STAG1: variants seen among roughly 807,000 people sequenced by gnomAD.
The protein encoded by STAG1 is cohesin subunit SA-1.
STAG1 carries 26 observed loss-of-function variants against 170.9 expected under a neutral mutation model. That is an observed-to-expected ratio of 0.15 (90% CI 0.11 to 0.21). STAG1 has a LOEUF of 0.21. Ranked by LOEUF, STAG1 falls within the 10% of genes least tolerant of loss-of-function variation. The pLI is 1.00. For synonymous variants in STAG1, 514 were observed against 497.7 expected (o/e 1.03, Z -0.44); for missense variants, 964 against 1,509.5 (o/e 0.64, Z 5.99).
At chr3:136,595,680 A>AATC (rs1559898982) in intron 4 of STAG1, among the ~76,000 whole-genome samples, 148 of 2,798 alleles carry the variant, frequency 0.053, 2 homozygotes, top group East Asian at 0.26. Context: ...CCATCTCAAT[A>AATC]AATAAATAAA....
chr3:136,641,444 A>G (rs1940796199), intron 1 of STAG1, among the ~76,000 whole-genome samples: 1 of 152,226 alleles, frequency 6.6e-6, no homozygotes, highest in African/African-American at 2.4e-5. Context: ...TACAGTTAAC[A>G]CTGCTAATAG....
rs398082483 is a variant in STAG1, at chr3:136,662,153, C to CTT, written c.-83-31174_-83-31173dup. ...CAGTAAAGCAAAACACAGTTAGACT[C>CTT]TTTTTTTTTTTTTTTGGAGATGGAG... On this transcript the variant is annotated intron_variant, in intron 1 of 33. Coordinates refer to ENST00000383202, the MANE Select transcript of STAG1 (RefSeq NM_005862.3). Among the ~76,000 whole-genome samples, 976 of 141,144 alleles carry CTT rather than the reference C, an allele frequency of 6.9e-3. 10 individuals carry two copies. The highest frequency in any genetic ancestry group is 0.017 in the African/African-American group (652 of 38,434). 92.6% of individuals were successfully genotyped at this position (141,144 alleles called of 152,430 possible).
chr3:136,383,253 C>T (rs1376157590), intron 22 of STAG1, among the ~76,000 whole-genome samples: 1 of 151,574 alleles, frequency 6.6e-6, no homozygotes, highest in Non-Finnish European at 1.5e-5. Context: ...TCTTAATGCC[C>T]CTTAAAGAAC....
At chr3:136,438,238 T>C (rs559187561) in intron 15 of STAG1, among the ~76,000 whole-genome samples, 94 of 113,678 alleles carry the variant, frequency 8.3e-4, no homozygotes, top group African/African-American at 2.3e-3. Context: ...TTAGTTTCTT[T>C]TCTTTTTTTT....
At chr3:136,555,800 G>A (rs1404203310) in intron 5 of STAG1, among the ~76,000 whole-genome samples, 2 of 150,862 alleles carry the variant, frequency 1.3e-5, no homozygotes, top group Non-Finnish European at 3.0e-5. Context: ...CAGATGCCTT[G>A]AATTCTACCA....
rs1488873267 is a variant in STAG1, at chr3:136,564,841, C to T, written c.394+3924G>A. Among the ~76,000 whole-genome samples, 3 of 151,554 alleles carry T rather than the reference C, an allele frequency of 2.0e-5. No individual in the cohort carries two copies. In the East Asian group the frequency reaches 5.8e-4, roughly 29 times the overall value. On this transcript the variant is annotated intron_variant, in intron 5 of 33. Transcript: ENST00000383202. ...CAAAAATTAACCATGGATTAACAGC[C>T]TAAATATAAAATATAAAATCCAGCC...
intron 14 of STAG1, among the ~76,000 whole-genome samples, chr3:136,444,591 A>G (rs971104159): frequency 2.6e-5 from 4 of 152,254 alleles, no homozygotes; most frequent in Admixed American, 2.6e-4. Context: ...AATTCAATGC[A>G]TTGAGAACTA....
In STAG1 at chr3:136,609,947, T is replaced by C. The variant is rs114871677; in HGVS notation, c.133-5474A>G. Among the ~76,000 whole-genome samples, 1,010 of 152,334 alleles carry C rather than the reference T, an allele frequency of 6.6e-3. 10 individuals carry two copies. Among genetic ancestry groups the C allele is most frequent in the African/African-American group, 0.023 (943 of 41,578 alleles). Reference sequence around the variant, plus strand: ...CATATAAAATGGCAACATGGAGTTATAGTCCTGAATTTAAAAAAAAAATTT... The same window carrying C: ...CATATAAAATGGCAACATGGAGTTACAGTCCTGAATTTAAAAAAAAAATTT... On this transcript the variant is annotated intron_variant, in intron 3 of 33. Transcript: ENST00000383202.
chr3:136,493,379 A>G (rs1303770194), intron 9 of STAG1, among the ~76,000 whole-genome samples: 1 of 152,034 alleles, frequency 6.6e-6, no homozygotes, highest in Non-Finnish European at 1.5e-5. Context: ...AAAGATCAGC[A>G]AAGGATGGCT....
chr3:136,572,601 CAAAAAAA>C (rs11379268), intron 4 of STAG1, among the ~76,000 whole-genome samples: 3 of 66,700 alleles, frequency 4.5e-5, no homozygotes, highest in East Asian at 8.7e-4. Flanking sequence ...AAGACTGTCT[CAAAAAAA>C]AAAAAAAAAA....
intron 1 of STAG1, among the ~76,000 whole-genome samples, chr3:136,631,972 T>TA (rs1407958617): frequency 5.9e-5 from 9 of 151,998 alleles, no homozygotes; most frequent in Non-Finnish European, 1.3e-4. Context: ...CACAAACTGC[T>TA]AAAAACCACA....
In STAG1 at chr3:136,336,340, C is replaced by CA. The variant is rs1935678839; in HGVS notation, c.*1913dup. On this transcript the variant is annotated 3_prime_UTR_variant, in exon 34 of 34. Coordinates refer to ENST00000383202, the MANE Select transcript of STAG1 (RefSeq NM_005862.3). ...AATGTACAATTTACAGAATTACTAG[C>CA]AAAACCAATCAAGGAGACACCGAAA... is the stretch of plus-strand genomic sequence containing the variant. The CA allele has an allele frequency of 6.6e-6, 1 of 152,188 alleles. No homozygotes were observed. Among genetic ancestry groups the CA allele is most frequent in the South Asian group, 2.1e-4 (1 of 4,824 alleles). 9.4% of individuals were successfully genotyped at this position (152,188 alleles called of 1,614,324 possible).
At chr3:136,598,287 G>T (rs1938516620) in intron 4 of STAG1, among the ~76,000 whole-genome samples, 1 of 151,452 alleles carries the variant, frequency 6.6e-6, no homozygotes, top group African/African-American at 2.4e-5. Flanking sequence ...AGTTTCTTTT[G>T]CTTTTGCTTA....
chr3:136,705,036 A>G (rs957817904), intron 1 of STAG1, among the ~76,000 whole-genome samples: 1 of 152,016 alleles, frequency 6.6e-6, no homozygotes. Context: ...ATAAAACTTC[A>G]CTTTCAATAA....
At chr3:136,499,186 T>C (rs1333683023) in intron 9 of STAG1, among the ~76,000 whole-genome samples, 2 of 152,178 alleles carry the variant, frequency 1.3e-5, no homozygotes, top group Non-Finnish European at 2.9e-5. Context: ...TGTATGTGTG[T>C]ATTTCTTTGT....
intron 12 of STAG1, among the ~76,000 whole-genome samples, chr3:136,470,535 G>T (rs1263598705): frequency 1.3e-5 from 2 of 152,186 alleles, no homozygotes; most frequent in Non-Finnish European, 2.9e-5. Flanking sequence ...TACACTGTTG[G>T]TAGGACTGTA....
At chr3:136,467,597 CGAT>C (rs1488295202) in intron 12 of STAG1, among the ~76,000 whole-genome samples, 1 of 152,072 alleles carries the variant, frequency 6.6e-6, no homozygotes, top group East Asian at 1.9e-4. Flanking sequence ...TTAGACAGAT[CGAT>C]GAGACAGAAA....
At chr3:136,641,552 A>G (rs1559925879) in intron 1 of STAG1, among the ~76,000 whole-genome samples, 2 of 152,236 alleles carry the variant, frequency 1.3e-5, no homozygotes, top group Admixed American at 1.3e-4. Context: ...GAATTTAATC[A>G]CAAGTATAAT....
At chr3:136,731,282 T>C (rs1934025186) in intron 1 of STAG1, among the ~76,000 whole-genome samples, 1 of 150,678 alleles carries the variant, frequency 6.6e-6, no homozygotes, top group Non-Finnish European at 1.5e-5. Context: ...TATGATACAG[T>C]AATGCAAAGG....
Sources: gnomAD v4.1 joint callset for allele counts (sites outside exome capture counted in the v4.1 genomes callset) on GRCh38, gnomAD v4.1.1 for gene constraint, MANE v1.5 for transcripts, NCBI Gene and HGNC (gene_info 2026-07-23, HGNC 2026-07-21) for gene names.